Variants in KCNH8 observed in about 807,000 individuals in gnomAD.
The protein encoded by KCNH8 is potassium voltage-gated channel subfamily H member 8, also known as voltage-gated delayed rectifier potassium channel KCNH8.
In KCNH8, 70 loss-of-function variants were observed where a neutral mutation model predicts 103.6. That is an observed-to-expected ratio of 0.68 (90% CI 0.56 to 0.82). The LOEUF (loss-of-function observed/expected upper bound fraction) is 0.82, where lower values mean the gene tolerates loss of function less well. Among genes scored for constraint, KCNH8 ranks in the 40% least tolerant of loss-of-function variants. The pLI, the probability that KCNH8 is intolerant of heterozygous loss-of-function variation, is 0.00. For synonymous variants in KCNH8, 498 were observed against 489.4 expected (o/e 1.02, Z -0.23); for missense variants, 1,217 against 1,329.9 (o/e 0.92, Z 1.32).
At chr3:19,428,346 C>T (rs2067060123) in intron 7 of KCNH8, among the ~76,000 whole-genome samples, 1 of 152,126 alleles carries the variant, frequency 6.6e-6, no homozygotes, top group South Asian at 2.1e-4. Flanking sequence ...GACTTCGGTA[C>T]CTCATAATGG....
intron 2 of KCNH8, among the ~76,000 whole-genome samples, chr3:19,270,578 G>C (rs2064574229): frequency 6.6e-6 from 1 of 152,032 alleles, no homozygotes; most frequent in Non-Finnish European, 1.5e-5. Context: ...CCAGGTTTTG[G>C]CCTCAAGTTC....
At chr3:19,241,723 G>GAC (rs71055059) in intron 1 of KCNH8, among the ~76,000 whole-genome samples, 5,999 of 147,752 alleles carry the variant, frequency 0.041, 310 homozygotes, top group African/African-American at 0.12. Context: ...TACACACACA[G>GAC]ACACACACAC....
intron 3 of KCNH8, among the ~76,000 whole-genome samples, chr3:19,313,349 G>C (rs1271861364): frequency 2.0e-5 from 3 of 151,866 alleles, no homozygotes; most frequent in African/African-American, 7.2e-5. Context: ...TCTCCCACTA[G>C]TTAGCACTGT....
At chr3:19,287,560 C>T (rs149729355) in intron 3 of KCNH8, among the ~76,000 whole-genome samples, 4 of 150,472 alleles carry the variant, frequency 2.7e-5, no homozygotes, top group Non-Finnish European at 2.9e-5. Flanking sequence ...ATAAGCTCCC[C>T]ACAGTCCACT....
chr3:19,355,124 A>G (rs1321670739), intron 5 of KCNH8, among the ~76,000 whole-genome samples: 1 of 152,230 alleles, frequency 6.6e-6, no homozygotes, highest in Admixed American at 6.5e-5. Flanking sequence ...CAACAGACAC[A>G]TGAAAAAATG....
chr3:19,375,790 G>T (rs1022289063), intron 5 of KCNH8, among the ~76,000 whole-genome samples: 2 of 151,904 alleles, frequency 1.3e-5, no homozygotes, highest in African/African-American at 4.8e-5. Context: ...TTTTGGTGTG[G>T]ATGTCCTTTC....
chr3:19,450,709 A>G (rs1019611061), intron 9 of KCNH8: 5 of 283,410 alleles, frequency 1.8e-5, no homozygotes, highest in Non-Finnish European at 3.4e-5. Flanking sequence ...GAAACACCCC[A>G]GACTGCCACT....
intron 1 of KCNH8, among the ~76,000 whole-genome samples, chr3:19,168,925 G>GTT (rs2063311302): frequency 6.6e-6 from 1 of 151,916 alleles, no homozygotes; most frequent in South Asian, 2.1e-4. Flanking sequence ...CACTCTTAGG[G>GTT]GCCTACCACA....
chr3:19,372,257 T>G (rs1262389078), intron 5 of KCNH8, among the ~76,000 whole-genome samples: 1 of 152,054 alleles, frequency 6.6e-6, no homozygotes, highest in Admixed American at 6.5e-5. Context: ...TGGAATGTTC[T>G]TCCATTTGTT....
intron 7 of KCNH8, among the ~76,000 whole-genome samples, chr3:19,407,637 T>C (rs2066713368): frequency 1.3e-5 from 2 of 152,084 alleles, no homozygotes; most frequent in African/African-American, 2.4e-5. Context: ...TAGACATAGA[T>C]AGTGGTGCAG....
At chr3:19,294,843 G>T (rs1008086556) in intron 3 of KCNH8, among the ~76,000 whole-genome samples, 1 of 152,140 alleles carries the variant, frequency 6.6e-6, no homozygotes, top group Admixed American at 6.6e-5. Flanking sequence ...CCATTTGAAA[G>T]AAAAATTTAA....
intron 3 of KCNH8, among the ~76,000 whole-genome samples, chr3:19,285,148 A>C (rs2064813848): frequency 6.6e-6 from 1 of 151,668 alleles, no homozygotes; most frequent in South Asian, 2.1e-4. Context: ...TTAAAATTAA[A>C]TTAATTTAAT....
At chr3:19,329,531 T>C (rs2065475915) in intron 3 of KCNH8, among the ~76,000 whole-genome samples, 1 of 152,166 alleles carries the variant, frequency 6.6e-6, no homozygotes, top group Non-Finnish European at 1.5e-5. Flanking sequence ...TCCTTTCATT[T>C]TATTCTCTTC....
intron 1 of KCNH8, among the ~76,000 whole-genome samples, chr3:19,180,585 C>T (rs980617229): frequency 1.3e-5 from 2 of 152,142 alleles, no homozygotes; most frequent in Non-Finnish European, 2.9e-5. Flanking sequence ...CTTGTATTTT[C>T]TGAACTTGAC....
At chr3:19,421,073 CTT>C (rs1331363944) in intron 7 of KCNH8, among the ~76,000 whole-genome samples, 1 of 152,034 alleles carries the variant, frequency 6.6e-6, no homozygotes, top group Non-Finnish European at 1.5e-5. Flanking sequence ...GAATTTGACA[CTT>C]TTTAAAAAAT....
intron 8 of KCNH8, among the ~76,000 whole-genome samples, chr3:19,449,869 TA>T (rs899062934): frequency 2.0e-5 from 3 of 152,044 alleles, no homozygotes; most frequent in Non-Finnish European, 4.4e-5. Context: ...TATGATTGAG[TA>T]TTTTTAAAGA....
At chr3:19,501,182 A>C (rs1299544494) in intron 11 of KCNH8, among the ~76,000 whole-genome samples, 11 of 151,920 alleles carry the variant, frequency 7.2e-5, no homozygotes, top group Admixed American at 7.2e-4. Context: ...TCTAGAAAAA[A>C]TGGATAAATT....
chr3:19,487,941 T>C (rs2068244064), intron 11 of KCNH8, among the ~76,000 whole-genome samples: 2 of 152,196 alleles, frequency 1.3e-5, no homozygotes, highest in Non-Finnish European at 2.9e-5. Flanking sequence ...ATTATATCAA[T>C]GGTTTTCTCG....
chr3:19,186,787 A>C (rs1423817364), intron 1 of KCNH8, among the ~76,000 whole-genome samples: 1 of 152,054 alleles, frequency 6.6e-6, no homozygotes, highest in Non-Finnish European at 1.5e-5. Flanking sequence ...AAAGGAGATA[A>C]AACTGGCTTT....
Sources: allele counts gnomAD v4.1 joint callset (sites outside exome capture counted in the v4.1 genomes callset), GRCh38; gene constraint gnomAD v4.1.1; transcripts MANE v1.5; gene names NCBI Gene and HGNC (gene_info 2026-07-23, HGNC 2026-07-21).